The following GFRAL variants were observed in gnomAD, a reference collection of about 807,000 sequenced individuals.
The protein encoded by GFRAL is GDNF family receptor alpha-like.
A neutral mutation model predicts 45.4 loss-of-function variants in GFRAL; 36 were observed. The observed-to-expected ratio is 0.79, with a 90% confidence interval of 0.61 to 1.05. GFRAL has a LOEUF of 1.05. Among genes scored for constraint, GFRAL ranks in the 50% least tolerant of loss-of-function variants. The pLI is 0.00. For missense variants in GFRAL, 507 were observed against 467.5 expected, an observed-to-expected ratio of 1.08 and a Z score of -0.78; for synonymous variants, 166 against 154.1, an observed-to-expected ratio of 1.08 and a Z score of -0.57.
intron 3 of GFRAL, among the ~76,000 whole-genome samples, chr6:55,337,283 G>A (rs748017190): frequency 2.0e-5 from 3 of 151,900 alleles, no homozygotes; most frequent in African/African-American, 4.8e-5. Context: ...GTTCAATCAT[G>A]GTGTATTATT....
chr6:55,351,867 T>C (rs977620900), intron 5 of GFRAL, among the ~76,000 whole-genome samples: 2 of 152,146 alleles, frequency 1.3e-5, no homozygotes, highest in African/African-American at 2.4e-5. Flanking sequence ...GACTAATGAA[T>C]TGGTTAATAG....
intron 3 of GFRAL, among the ~76,000 whole-genome samples, chr6:55,346,858 C>G: frequency 1.3e-5 from 1 of 74,976 alleles, no homozygotes; most frequent in Non-Finnish European, 2.8e-5. Flanking sequence ...AAAGAAAAAA[C>G]AAAGTAAGTG....
intron 2 of GFRAL, 55 bp from the exon 3 acceptor site, chr6:55,333,731 G>T: frequency 1.7e-6 from 2 of 1,189,944 alleles, no homozygotes; most frequent in South Asian, 4.9e-5. Flanking sequence ...TGGGGAGGAA[G>T]AATCCAAAAT....
intron 6 of GFRAL, among the ~76,000 whole-genome samples, chr6:55,393,827 A>G (rs1768786366): frequency 6.6e-6 from 1 of 152,140 alleles, no homozygotes; most frequent in Non-Finnish European, 1.5e-5. Context: ...CTATTTAAAG[A>G]TTTGAAGTAG....
Position 55,339,026 on chromosome 6 carries a change from A to C in GFRAL, c.316+5082A>C, listed in dbSNP as rs1767926796. 2.0e-5 allele frequency among the ~76,000 whole-genome samples: 3 copies of C among 152,284 alleles called. No homozygotes were observed. The South Asian group carries it at 6.2e-4, about 32-fold the overall frequency. On this transcript the variant is annotated intron_variant, in intron 3 of 8. Coordinates refer to ENST00000340465, the MANE Select transcript of GFRAL (RefSeq NM_207410.2). ...AAGAATATCAGTTAAAAAGCCATCA[A>C]AATAATTTAAGAGAGAGGTAATGCA...
intron 6 of GFRAL, among the ~76,000 whole-genome samples, chr6:55,371,508 C>G (rs1244550227): frequency 6.6e-6 from 1 of 152,102 alleles, no homozygotes. Context: ...TGATAGTGAG[C>G]ACCCTTGCCT....
At chr6:55,358,300 G>A (rs1384860481) in intron 5 of GFRAL, among the ~76,000 whole-genome samples, 1 of 151,524 alleles carries the variant, frequency 6.6e-6, no homozygotes, top group African/African-American at 2.4e-5. Flanking sequence ...TATTCTTATT[G>A]TAAAAAAATT....
chr6:55,395,175 A>AAAATATATATATAT lies in GFRAL; in HGVS notation c.953-4004_953-4003insAATATATATATATA. Among the ~76,000 whole-genome samples, 366 of 123,428 alleles carry AAAATATATATATAT rather than the reference A, an allele frequency of 3.0e-3. 6 individuals are homozygous for AAAATATATATATAT. Among genetic ancestry groups the AAAATATATATATAT allele is most frequent in the African/African-American group, 0.012 (339 of 28,890 alleles). 81.0% of individuals were successfully genotyped at this position (123,428 alleles called of 152,430 possible). ...AATCAGCCTATGGAAAAAAAAAAAA[A>AAAATATATATATAT]ATATATATATATATATATAAGCCAG... On this transcript the variant is annotated intron_variant, in intron 6 of 8. Transcript: ENST00000340465.
chr6:55,347,919 T>G (rs1290354113), intron 3 of GFRAL, among the ~76,000 whole-genome samples: 1 of 152,142 alleles, frequency 6.6e-6, no homozygotes, highest in Non-Finnish European at 1.5e-5. Context: ...AGAAACATGT[T>G]TGTCTACTAG....
At chr6:55,380,946 A>G (rs1473000052) in intron 6 of GFRAL, among the ~76,000 whole-genome samples, 1 of 151,972 alleles carries the variant, frequency 6.6e-6, no homozygotes, top group African/African-American at 2.4e-5. Flanking sequence ...TGAGCAAAAG[A>G]ATCAGGAATT....
rs188602034 is a variant in GFRAL, at chr6:55,330,103, C to T, written c.23-1612C>T. On this transcript the variant is annotated intron_variant, in intron 1 of 8. Transcript: ENST00000340465. ...GAATCAATTTGACTAACTTGCGTAACATATTAAATTAACATTGCTATTTTC... is the reference window on the plus strand; with the variant it reads ...GAATCAATTTGACTAACTTGCGTAATATATTAAATTAACATTGCTATTTTC... Among the ~76,000 whole-genome samples, 25 of 152,214 alleles carry T rather than the reference C, an allele frequency of 1.6e-4. No homozygotes were observed. The East Asian group carries it at 4.6e-3, about 28-fold the overall frequency.
At chr6:55,392,556 C>G (rs1768767495) in intron 6 of GFRAL, among the ~76,000 whole-genome samples, 2 of 152,134 alleles carry the variant, frequency 1.3e-5, no homozygotes, top group South Asian at 4.1e-4. Flanking sequence ...TTGAAGAATG[C>G]CAGATTAACT....
Position 55,350,163 on chromosome 6 carries a change from T to C in GFRAL, c.370+18T>C. The stretch of plus-strand genomic sequence containing the variant: ...CCATCATGGTAATGTTTTTAAGTTA[T>C]TATTTTGATCTGCATTGCAAATACC... On this transcript the variant is annotated intron_variant, in intron 4 of 8. Coordinates refer to ENST00000340465, the MANE Select transcript of GFRAL (RefSeq NM_207410.2). The C allele has an allele frequency of 6.8e-7, 1 of 1,465,840 alleles. No individual in the cohort carries two copies. Among genetic ancestry groups the C allele is most frequent in the Non-Finnish European group, 9.5e-7 (1 of 1,047,564 alleles). The allele number at this position is 1,465,840 out of a possible 1,614,324, so 90.8% of individuals were successfully genotyped here. A position where few individuals can be genotyped will look rare whatever the true frequency, so the allele number is the denominator to read the frequency against.
intron 6 of GFRAL, among the ~76,000 whole-genome samples, chr6:55,381,959 G>T (rs1768615477): frequency 6.6e-6 from 1 of 151,736 alleles, no homozygotes; most frequent in South Asian, 2.1e-4. Context: ...TTAAGTTTTG[G>T]CTTTAAATAA....
chr6:55,367,552 T>A (rs984159726), intron 6 of GFRAL, among the ~76,000 whole-genome samples: 2 of 151,214 alleles, frequency 1.3e-5, no homozygotes, highest in Non-Finnish European at 2.9e-5. Context: ...GTCTTTACAT[T>A]TTGGCATGAT....
chr6:55,369,566 A>T (rs1043326932), intron 6 of GFRAL, among the ~76,000 whole-genome samples: 7 of 151,030 alleles, frequency 4.6e-5, no homozygotes, highest in Admixed American at 4.6e-4. Context: ...GTTTGAATGC[A>T]ATTGTTTTTA....
intron 6 of GFRAL, among the ~76,000 whole-genome samples, chr6:55,389,101 T>A (rs1191879530): frequency 2.6e-5 from 4 of 152,200 alleles, no homozygotes; most frequent in Non-Finnish European, 5.9e-5. Flanking sequence ...ATTTTAAAAA[T>A]TTTATGTTAA....
chr6:55,381,079 A>T (rs1339320241), intron 6 of GFRAL, among the ~76,000 whole-genome samples: 2 of 151,924 alleles, frequency 1.3e-5, no homozygotes, highest in Non-Finnish European at 2.9e-5. Flanking sequence ...ATAATTTTAC[A>T]GTTGATCCTT....
intron 4 of GFRAL, 106 bp downstream of exon 4, chr6:55,350,251 G>T: frequency 3.0e-6 from 2 of 671,430 alleles, no homozygotes; most frequent in South Asian, 1.7e-5. Flanking sequence ...CAAATCATGT[G>T]GTTTAACAGT....
Sources: allele counts gnomAD v4.1 joint callset (sites outside exome capture counted in the v4.1 genomes callset), GRCh38; gene constraint gnomAD v4.1.1; transcripts MANE v1.5; gene names NCBI Gene and HGNC (gene_info 2026-07-23, HGNC 2026-07-21).